SHROOM4: variants seen among roughly 807,000 people sequenced by gnomAD.
SHROOM4 encodes the protein protein Shroom4.
SHROOM4 carries 17 observed loss-of-function variants against 80.3 expected under a neutral mutation model. The ratio of observed to expected loss-of-function variants is 0.21; its 90% confidence interval spans 0.14 to 0.32. The LOEUF (loss-of-function observed/expected upper bound fraction) is 0.32, where lower values mean the gene tolerates loss of function less well. SHROOM4 is among the 10% of genes least tolerant of loss of function. The pLI is 1.00. For missense variants in SHROOM4, 993 were observed against 1,140.3 expected (o/e 0.87, Z 1.86); for synonymous variants, 400 against 437.5 (o/e 0.91, Z 1.07).
chrX:50,777,378 T>C (rs1557270230), intron 1 of SHROOM4, among the ~76,000 whole-genome samples: 1 of 112,314 alleles, frequency 8.9e-6, no homozygotes. Context: ...GGTAAGTTTT[T>C]AAGTAAATTA....
intron 1 of SHROOM4, among the ~76,000 whole-genome samples, chrX:50,801,013 T>A (rs1557272527): frequency 9.1e-6 from 1 of 110,013 alleles, no homozygotes; most frequent in Non-Finnish European, 1.9e-5. Context: ...ATCAATGATG[T>A]TTCTTATTCT....
At chrX:50,627,478 A>G in intron 5 of SHROOM4, 136 bp downstream of exon 5, 1 of 574,344 alleles carries the variant, frequency 1.7e-6, no homozygotes, top group Admixed American at 2.5e-5. Flanking sequence ...GCTGAATTAT[A>G]TCTATGGTAT....
At chrX:50,683,822 T>A (rs1429822789) in intron 2 of SHROOM4, among the ~76,000 whole-genome samples, 1 of 111,342 alleles carries the variant, frequency 9.0e-6, no homozygotes, top group Non-Finnish European at 1.9e-5. Context: ...GAAGTCTTAT[T>A]TGCTAAATTA....
chrX:50,757,158 T>C (rs1557268443), intron 1 of SHROOM4, among the ~76,000 whole-genome samples: 1 of 112,347 alleles, frequency 8.9e-6, no homozygotes, highest in African/African-American at 3.2e-5. Context: ...TTTGAGTTAA[T>C]TGGTGTGTAT....
Position 50,590,508 on chromosome X carries a change from C to G in SHROOM4, c.*6187G>C, listed in dbSNP as rs1928850450. ...CTCCTGATCCGCCCGCCACGGCCTC[C>G]CAAAGTGCTGGGATTACAGGCGTGA... On this transcript the variant is annotated 3_prime_UTR_variant, in exon 9 of 9. Transcript: ENST00000376020. Among the ~76,000 whole-genome samples the G allele has an allele frequency of 2.7e-5, 3 of 111,210 alleles. No homozygotes were observed. Among genetic ancestry groups the G allele is most frequent in the African/African-American group, 9.8e-5 (3 of 30,546 alleles).
chrX:50,801,928 G>A (rs1557272644), intron 1 of SHROOM4, among the ~76,000 whole-genome samples: 12 of 112,193 alleles, frequency 1.1e-4, no homozygotes. Context: ...CAAGAAGGTA[G>A]GGAAGGAGTT....
chrX:50,650,085 A>G (rs1931982587), intron 2 of SHROOM4, among the ~76,000 whole-genome samples: 1 of 112,212 alleles, frequency 8.9e-6, no homozygotes, highest in Non-Finnish European at 1.9e-5. Flanking sequence ...CTACTTAATG[A>G]TCCTGAAAAA....
chrX:50,664,175 G>C (rs1932613225), intron 2 of SHROOM4, among the ~76,000 whole-genome samples: 1 of 111,725 alleles, frequency 9.0e-6, no homozygotes, highest in Non-Finnish European at 1.9e-5. Context: ...ATAAAGAGAA[G>C]ACTATGACAT....
At chrX:50,808,595 C>T (rs1936272905) in intron 1 of SHROOM4, among the ~76,000 whole-genome samples, 1 of 110,945 alleles carries the variant, frequency 9.0e-6, no homozygotes, top group African/African-American at 3.3e-5. Context: ...TAACTTTTCT[C>T]AGATGGGTCA....
chrX:50,660,736 T>C (rs1728886170), intron 2 of SHROOM4, among the ~76,000 whole-genome samples: 1 of 107,140 alleles, frequency 9.3e-6, no homozygotes. Context: ...GCCTCAGCCT[T>C]CTCTGAGTAG....
chrX:50,729,432 C>A (rs2147536670), intron 1 of SHROOM4, among the ~76,000 whole-genome samples: 1 of 110,946 alleles, frequency 9.0e-6, no homozygotes, highest in Admixed American at 9.6e-5. Flanking sequence ...AACTTGAATA[C>A]AGATGAATAG....
intron 1 of SHROOM4, among the ~76,000 whole-genome samples, chrX:50,710,410 G>T (rs1933782323): frequency 9.0e-6 from 1 of 111,551 alleles, no homozygotes; most frequent in Non-Finnish European, 1.9e-5. Flanking sequence ...AATTAATGCA[G>T]GAACAGAAAA....
At chrX:50,796,536 G>C (rs1427355456) in intron 1 of SHROOM4, among the ~76,000 whole-genome samples, 2 of 111,370 alleles carry the variant, frequency 1.8e-5, no homozygotes, top group African/African-American at 6.5e-5. Flanking sequence ...GGAAGGAATG[G>C]TAGGGCTAGG....
chrX:50,711,452 G>C (rs1328560600), intron 1 of SHROOM4, among the ~76,000 whole-genome samples: 1 of 111,711 alleles, frequency 9.0e-6, no homozygotes, highest in African/African-American at 3.3e-5. Flanking sequence ...TAGAGATTTT[G>C]GATACACAAG....
intron 1 of SHROOM4, among the ~76,000 whole-genome samples, chrX:50,700,181 TAATTGTTTAA>T (rs1366792017): frequency 8.9e-6 from 1 of 112,464 alleles, no homozygotes; most frequent in Admixed American, 9.4e-5. Flanking sequence ...GCAAACAACA[TAATTGTTTAA>T]ATTGATGTGT....
At chrX:50,714,427 C>A (rs190712171) in intron 1 of SHROOM4, among the ~76,000 whole-genome samples, 17 of 101,339 alleles carry the variant, frequency 1.7e-4, no homozygotes, top group South Asian at 7.5e-4. Context: ...AAGAAAGTAT[C>A]TTGAGATGTT....
In SHROOM4 at chrX:50,595,526, T is replaced by A. The variant is rs1929070716; in HGVS notation, c.*1169A>T. 5.4e-6 allele frequency: 1 copy of A among 184,624 alleles called. No individual in the cohort carries two copies. Among genetic ancestry groups the A allele is most frequent in the South Asian group, 9.0e-5 (1 of 11,137 alleles). The allele number at this position is 184,624 out of a possible 1,213,427, so 15.2% of individuals were successfully genotyped here. A position where few individuals can be genotyped will look rare whatever the true frequency, so the allele number is the denominator to read the frequency against. ...AGATTTCTTTGGTTTCAAAAAGAAA[T>A]CAGTAAGAAAAACTTAAACCCTGCT... On this transcript the variant is annotated 3_prime_UTR_variant, in exon 9 of 9. Coordinates refer to ENST00000376020, the MANE Select transcript of SHROOM4 (RefSeq NM_020717.5).
At position 50,606,471 on chromosome X, in the gene SHROOM4, C is replaced by T. The variant is rs1929675206; in HGVS notation, c.3761+910G>A. On this transcript the variant is annotated intron_variant, in intron 6 of 8. Transcript: ENST00000376020. ...AAGCCACCTGCCTCCCGAACCTCAG[C>T]CCCAGCAGAGAGTGGGCTGAGCTCT... Among the ~76,000 whole-genome samples, 3 of 110,933 alleles carry T rather than the reference C, an allele frequency of 2.7e-5. No homozygotes were observed. In the South Asian group the frequency reaches 1.2e-3, roughly 43 times the overall value.
At position 50,633,940 on chromosome X, in the gene SHROOM4, G is replaced by C; in HGVS notation, c.2133C>G (p.Asp711Glu). Reference sequence around the variant, plus strand: ...CACAGTGAGCATGTGCTTTCTCAGGGTCTGAGGAGGATGGGTCAGGTGCTT... The same window carrying C: ...CACAGTGAGCATGTGCTTTCTCAGGCTCTGAGGAGGATGGGTCAGGTGCTT... ...WWKAPDPSSSDPEKAHAHCGV... is the reference protein window; with the variant it reads ...WWKAPDPSSSEPEKAHAHCGV... Residue 711 changes from aspartate (D) to glutamate (E), a missense_variant, in exon 4 of 9, where the codon GAC becomes GAG. By Grantham distance (45) the Asp-to-Glu change is conservative (BLOSUM62 2). Coordinates refer to ENST00000376020, the MANE Select transcript of SHROOM4 (RefSeq NM_020717.5). The C allele has an allele frequency of 8.3e-7, 1 of 1,211,787 alleles. No homozygotes were observed. Among genetic ancestry groups the C allele is most frequent in the South Asian group, 1.8e-5 (1 of 56,955 alleles).
Sources: allele counts gnomAD v4.1 joint callset (sites outside exome capture counted in the v4.1 genomes callset), GRCh38; gene constraint gnomAD v4.1.1; transcripts MANE v1.5; gene names NCBI Gene and HGNC (gene_info 2026-07-23, HGNC 2026-07-21).